LIMCH1: variants seen among roughly 807,000 people sequenced by gnomAD.
LIMCH1 encodes the protein LIM and calponin homology domains-containing protein 1.
LIMCH1 carries 113 observed loss-of-function variants against 176.5 expected under a neutral mutation model. That is an observed-to-expected ratio of 0.64 (90% confidence interval 0.55 to 0.75). The LOEUF (loss-of-function observed/expected upper bound fraction) is 0.75, where lower values mean the gene tolerates loss of function less well. Among genes scored for constraint, LIMCH1 ranks in the 30% least tolerant of loss-of-function variants. The pLI, the probability that LIMCH1 is intolerant of heterozygous loss-of-function variation, is 0.00. For synonymous variants in LIMCH1, 619 were observed against 645.9 expected (o/e 0.96, Z 0.63); for missense variants, 1,674 against 1,814.9 (o/e 0.92, Z 1.41).
chr4:41,524,282 A>T (rs2076405259), intron 2 of LIMCH1: 1 of 753,298 alleles, frequency 1.3e-6, no homozygotes, highest in African/African-American at 1.7e-5. Flanking sequence ...GATTATTGAG[A>T]TTTACTATAT....
At position 41,697,662 on chromosome 4, in the gene LIMCH1, C is replaced by T. The variant is rs1731546935; in HGVS notation, c.*477C>T. On this transcript the variant is annotated 3_prime_UTR_variant, in exon 32 of 32. Transcript: ENST00000503057. ...GGATAAATTTAATGCATTTCAGAAA[C>T]TAAACATCACAGCAAGCTCTATCTC... The T allele has an allele frequency of 6.5e-6, 1 of 154,408 alleles. No homozygotes were observed. The highest frequency in any genetic ancestry group is 2.0e-4 in the South Asian group (1 of 4,906). The allele number at this position is 154,408 out of a possible 1,614,324, so 9.6% of individuals were successfully genotyped here. A position where few individuals can be genotyped will look rare whatever the true frequency, so the allele number is the denominator to read the frequency against.
intron 1 of LIMCH1, among the ~76,000 whole-genome samples, chr4:41,425,899 G>A (rs1013445869): frequency 6.6e-6 from 1 of 152,152 alleles, no homozygotes; most frequent in African/African-American, 2.4e-5. Context: ...GGGTTGCTGG[G>A]CAGCTGAGAG....
At chr4:41,589,453 A>G (rs1455705813) in intron 1 of LIMCH1, among the ~76,000 whole-genome samples, 1 of 152,180 alleles carries the variant, frequency 6.6e-6, no homozygotes, top group Non-Finnish European at 1.5e-5. Context: ...TTGTAAGGAC[A>G]TAGGCTTTTA....
At chr4:41,465,687 T>C (rs1191627057) in intron 1 of LIMCH1, among the ~76,000 whole-genome samples, 3 of 152,246 alleles carry the variant, frequency 2.0e-5, no homozygotes, top group African/African-American at 4.8e-5. Context: ...TTTATATTGA[T>C]ACTTCTCCTC....
At chr4:41,463,427 C>T (rs1302264540) in intron 1 of LIMCH1, among the ~76,000 whole-genome samples, 4 of 152,020 alleles carry the variant, frequency 2.6e-5, no homozygotes, top group Admixed American at 2.6e-4. Context: ...GTCTAGAATC[C>T]AGGACCTGGA....
intron 1 of LIMCH1, among the ~76,000 whole-genome samples, chr4:41,558,336 G>T (rs963709834): frequency 2.6e-5 from 4 of 152,112 alleles, no homozygotes; most frequent in African/African-American, 7.2e-5. Context: ...TCACCAAAAA[G>T]GGGCGGTGTA....
chr4:41,377,235 A>G (rs2054894171), intron 1 of LIMCH1, among the ~76,000 whole-genome samples: 1 of 152,118 alleles, frequency 6.6e-6, no homozygotes, highest in Non-Finnish European at 1.5e-5. Context: ...AGTCTGTTTC[A>G]TGTGTCTCCT....
intron 22 of LIMCH1, 31 bp from the exon 23 acceptor site, chr4:41,676,351 A>G (rs1430689909): frequency 3.1e-6 from 5 of 1,593,394 alleles, no homozygotes; most frequent in Admixed American, 1.7e-5. Context: ...ACATGGCTCA[A>G]TTCTGATCAT....
intron 23 of LIMCH1, among the ~76,000 whole-genome samples, chr4:41,678,594 A>AG (rs1481041710): frequency 6.6e-6 from 1 of 152,226 alleles, no homozygotes; most frequent in Non-Finnish European, 1.5e-5. Flanking sequence ...TTACATGCCA[A>AG]GGGGTGACCC....
chr4:41,405,996 A>G (rs753862174), intron 1 of LIMCH1, among the ~76,000 whole-genome samples: 1 of 152,196 alleles, frequency 6.6e-6, no homozygotes, highest in Non-Finnish European at 1.5e-5. Flanking sequence ...GACTTGTGTC[A>G]GGGGAGCAGT....
intron 1 of LIMCH1, among the ~76,000 whole-genome samples, chr4:41,541,148 C>T (rs2078586273): frequency 6.6e-6 from 1 of 152,102 alleles, no homozygotes. Flanking sequence ...AAATCCAAAG[C>T]AGTAATGTAT....
Position 41,583,117 on chromosome 4 carries a change from A to G in LIMCH1, c.-240-15803A>G, listed in dbSNP as rs907787829. On this transcript the variant is annotated intron_variant, in intron 1 of 31. Transcript: ENST00000503057. Reference sequence around the variant, plus strand: ...ACAATAACTCTATGGAACTTATTTTAAACATCTTTCTCTACATCTGTGAGG... The same window carrying G: ...ACAATAACTCTATGGAACTTATTTTGAACATCTTTCTCTACATCTGTGAGG... Among the ~76,000 whole-genome samples, 6 of 152,210 alleles carry G rather than the reference A, an allele frequency of 3.9e-5. No individual in the cohort carries two copies. The East Asian group carries it at 9.6e-4, about 24-fold the overall frequency.
chr4:41,615,742 G>A (rs1413047752), intron 5 of LIMCH1, among the ~76,000 whole-genome samples: 1 of 152,172 alleles, frequency 6.6e-6, no homozygotes, highest in Middle Eastern at 3.2e-3. Flanking sequence ...AAAACTTGTT[G>A]TAAGTCTTGA....
chr4:41,624,576 C>G (rs2092816060), intron 7 of LIMCH1, among the ~76,000 whole-genome samples: 1 of 147,378 alleles, frequency 6.8e-6, no homozygotes, highest in African/African-American at 2.5e-5. Context: ...ATTACTTGTG[C>G]ACCGACCAAA....
chr4:41,690,356 T>C (rs1724525185), intron 30 of LIMCH1, among the ~76,000 whole-genome samples: 4 of 152,322 alleles, frequency 2.6e-5, no homozygotes, highest in Admixed American at 2.6e-4. Context: ...AAACTGAAAA[T>C]GAGGAGTTCT....
At chr4:41,669,792 C>T (rs1040384328) in intron 21 of LIMCH1, among the ~76,000 whole-genome samples, 1 of 152,148 alleles carries the variant, frequency 6.6e-6, no homozygotes, top group Non-Finnish European at 1.5e-5. Flanking sequence ...TAGGTCTCTG[C>T]CCAGCACCCA....
intron 2 of LIMCH1, among the ~76,000 whole-genome samples, chr4:41,513,879 G>C (rs1301210423): frequency 1.3e-5 from 2 of 151,724 alleles, no homozygotes; most frequent in Admixed American, 1.3e-4. Flanking sequence ...GGTGGTGCAT[G>C]CCTGTAATCC....
chr4:41,441,161 T>G (rs2062662893), intron 1 of LIMCH1, among the ~76,000 whole-genome samples: 1 of 152,330 alleles, frequency 6.6e-6, no homozygotes, highest in Middle Eastern at 3.4e-3. Context: ...GCTTCTGTCT[T>G]GAGTAGAAAT....
chr4:41,681,052 G>A lies in LIMCH1; in HGVS notation c.3710G>A (p.Gly1237Glu), dbSNP rs1715326249. ...TCTTCCTCCATGACTGAAGGCAGTG[G>A]GACAATGGTGAGACCACAGATTAAA... The part of the protein sequence containing the change: ...STSSSMTEGS[G>E]TMNKIDLGNC... The change falls in exon 25 of 32, where the codon GGG becomes GAG. Residue 1237 changes from glycine to glutamate, a missense_variant. Physicochemically the swap from Gly to Glu is moderately conservative, Grantham distance 98. This residue lies in a region of LIMCH1 where 1,015 missense variants were observed against 1,102.5 expected (regional missense o/e 0.92). Coordinates refer to ENST00000503057, the MANE Select transcript of LIMCH1 (RefSeq NM_001330672.2). 1 of 1,596,926 alleles carries A rather than the reference G, an allele frequency of 6.3e-7. No homozygotes were observed. Among genetic ancestry groups the A allele is most frequent in the African/African-American group, 1.3e-5 (1 of 74,502 alleles).
Sources: gnomAD v4.1 joint callset for allele counts (sites outside exome capture counted in the v4.1 genomes callset) on GRCh38, gnomAD v4.1.1 for gene constraint, gnomAD v4.1.1 regional missense constraint, MANE v1.5 for transcripts, NCBI Gene and HGNC (gene_info 2026-07-23, HGNC 2026-07-21) for gene names.